NECTIN1: variants seen among roughly 807,000 people sequenced by gnomAD.
NECTIN1 encodes the protein nectin-1.
NECTIN1 carries 23 observed loss-of-function variants against 48.0 expected under a neutral mutation model. That is an observed-to-expected ratio of 0.48 (90% confidence interval 0.34 to 0.68). The LOEUF is 0.68. Among genes scored for constraint, NECTIN1 ranks in the 30% least tolerant of loss-of-function variants. The pLI, the probability that NECTIN1 is intolerant of heterozygous loss-of-function variation, is 0.01. For synonymous variants in NECTIN1, 270 were observed against 288.9 expected, an observed-to-expected ratio of 0.93 and a Z score of 0.66; for missense variants, 591 against 709.9, an observed-to-expected ratio of 0.83 and a Z score of 1.90.
chr11:119,668,744 T>C (rs1334543647), intron 5 of NECTIN1, among the ~76,000 whole-genome samples: 1 of 152,248 alleles, frequency 6.6e-6, no homozygotes, highest in Admixed American at 6.5e-5. Context: ...CATAGCATGG[T>C]AAAGCCTGTA....
At chr11:119,693,396 C>A (rs1351783367) in intron 1 of NECTIN1, among the ~76,000 whole-genome samples, 1 of 152,232 alleles carries the variant, frequency 6.6e-6, no homozygotes, top group African/African-American at 2.4e-5. Context: ...GTGATGTCAT[C>A]CATTTACATG....
intron 1 of NECTIN1, among the ~76,000 whole-genome samples, chr11:119,725,852 G>A (rs1000579417): frequency 5.3e-5 from 8 of 152,078 alleles, no homozygotes; most frequent in Non-Finnish European, 1.0e-4. Context: ...ACAACAGCTC[G>A]ACACACCTGC....
At chr11:119,713,154 T>C (rs1228045790) in intron 1 of NECTIN1, 1 of 152,240 alleles carries the variant, frequency 6.6e-6, no homozygotes, top group Non-Finnish European at 1.5e-5. Flanking sequence ...TGAAAGCAGG[T>C]CACTAATCTC....
At chr11:119,725,167 C>A (rs564099002) in intron 1 of NECTIN1, among the ~76,000 whole-genome samples, 107 of 152,310 alleles carry the variant, frequency 7.0e-4, no homozygotes, top group African/African-American at 2.4e-3. Context: ...CTCTGCCCCC[C>A]AAGCCTGGTC....
rs1864663997 is a variant in NECTIN1, at chr11:119,661,487, G to A, written c.*3260C>T. 1.7e-5 allele frequency: 17 copies of A among 986,030 alleles called. No individual in the cohort carries two copies. Among genetic ancestry groups the A allele is most frequent in the Non-Finnish European group, 1.8e-5 (15 of 830,086 alleles). The allele number at this position is 986,030 out of a possible 1,614,324, so 61.1% of individuals were successfully genotyped here. A position where few individuals can be genotyped will look rare whatever the true frequency, so the allele number is the denominator to read the frequency against. On this transcript the variant is annotated 3_prime_UTR_variant, in exon 6 of 6. Transcript: ENST00000264025. Reference sequence around the variant, plus strand: ...CACTAGGAGAGGGTTTCTGTTGGCAGTCAGGCTTTGGGGGTCTCTGTCTGG... The same window carrying A: ...CACTAGGAGAGGGTTTCTGTTGGCAATCAGGCTTTGGGGGTCTCTGTCTGG...
chr11:119,689,671 C>T, intron 1 of NECTIN1, among the ~76,000 whole-genome samples: 1 of 152,250 alleles, frequency 6.6e-6, no homozygotes, highest in East Asian at 1.9e-4. Context: ...TCCGTGCGCA[C>T]TGCCAGAGCA....
chr11:119,666,973 C>T (rs10790329), intron 5 of NECTIN1, among the ~76,000 whole-genome samples: 97,479 of 151,890 alleles, frequency 0.64, 32,963 homozygotes, highest in Non-Finnish European at 0.73. Context: ...CCCCCAGGGG[C>T]TCCTATACAC....
chr11:119,664,617 T>C lies in NECTIN1; in HGVS notation c.*130A>G. On this transcript the variant is annotated 3_prime_UTR_variant, in exon 6 of 6. Transcript: ENST00000264025. ...CTGGGCTCCCCTGGCCCCCCAGGAGTTCGGGGCTGGCTTTGGGCAGCTGGG... is the reference window on the plus strand; with the variant it reads ...CTGGGCTCCCCTGGCCCCCCAGGAGCTCGGGGCTGGCTTTGGGCAGCTGGG... 7.0e-7 allele frequency: 1 copy of C among 1,432,310 alleles called. No homozygotes were observed. Among genetic ancestry groups the C allele is most frequent in the East Asian group, 2.6e-5 (1 of 39,078 alleles). 88.7% of individuals were successfully genotyped at this position (1,432,310 alleles called of 1,614,324 possible).
intron 5 of NECTIN1, among the ~76,000 whole-genome samples, chr11:119,644,619 A>G (rs1864371129): frequency 6.6e-6 from 1 of 152,188 alleles, no homozygotes; most frequent in South Asian, 2.1e-4. Flanking sequence ...CACGTATGCA[A>G]ATAAGTATGC....
Position 119,662,970 on chromosome 11 carries a change from T to G in NECTIN1, c.*1777A>C, listed in dbSNP as rs1445134367. ...GACGACCCACCTGCTGGGCCCAGGGTTGCCAGGGCAGAAATGGAGCTGGCA... is the reference window on the plus strand; with the variant it reads ...GACGACCCACCTGCTGGGCCCAGGGGTGCCAGGGCAGAAATGGAGCTGGCA... On this transcript the variant is annotated 3_prime_UTR_variant, in exon 6 of 6. Transcript: ENST00000264025. This position sits in a 1 kb window ranked among gnomAD's most constrained non-coding sequence, Gnocchi z 5.3. 2 of 978,508 alleles carry G rather than the reference T, an allele frequency of 2.0e-6. No individual in the cohort carries two copies. Among genetic ancestry groups the G allele is most frequent in the African/African-American group, 3.6e-5 (2 of 54,808 alleles). The allele number at this position is 978,508 out of a possible 1,614,324, so 60.6% of individuals were successfully genotyped here. A position where few individuals can be genotyped will look rare whatever the true frequency, so the allele number is the denominator to read the frequency against.
chr11:119,723,816 G>C (rs147280542), intron 1 of NECTIN1, among the ~76,000 whole-genome samples: 6 of 152,106 alleles, frequency 3.9e-5, no homozygotes, highest in African/African-American at 7.2e-5. Context: ...AAGGTGATCC[G>C]TGCTCAGATC....
intron 5 of NECTIN1, among the ~76,000 whole-genome samples, chr11:119,648,379 GTGGTGGTGGTGGTGATGGTGGTGA>G (rs1864441239): frequency 3.1e-5 from 1 of 32,398 alleles, no homozygotes; most frequent in Non-Finnish European, 6.6e-5. Context: ...GGTGGTGATG[GTGGTGGTGGTGGTGATGGTGGTGA>G]TGGTGATGGT....
chr11:119,715,020 C>T (rs562950115), intron 1 of NECTIN1, among the ~76,000 whole-genome samples: 2 of 151,998 alleles, frequency 1.3e-5, no homozygotes, highest in South Asian at 2.1e-4. Flanking sequence ...CATGCGATTC[C>T]AACACTAATG....
intron 1 of NECTIN1, among the ~76,000 whole-genome samples, chr11:119,688,073 C>G (rs1281055264): frequency 6.6e-6 from 1 of 152,142 alleles, no homozygotes; most frequent in Non-Finnish European, 1.5e-5. Flanking sequence ...ACTTTGAATT[C>G]AGATAGACCT....
chr11:119,693,000 C>T (rs1450110766), intron 1 of NECTIN1, among the ~76,000 whole-genome samples: 1 of 152,182 alleles, frequency 6.6e-6, no homozygotes, highest in Non-Finnish European at 1.5e-5. Flanking sequence ...GCACCATCCT[C>T]CCACCCCTGC....
chr11:119,689,308 C>T (rs1414708151), intron 1 of NECTIN1, among the ~76,000 whole-genome samples: 1 of 152,222 alleles, frequency 6.6e-6, no homozygotes, highest in Non-Finnish European at 1.5e-5. Context: ...GTTCCAGCCT[C>T]GCAGCCTCAG....
At chr11:119,718,306 G>C (rs1057242546) in intron 1 of NECTIN1, among the ~76,000 whole-genome samples, 1 of 152,236 alleles carries the variant, frequency 6.6e-6, no homozygotes, top group African/African-American at 2.4e-5. Flanking sequence ...CGCCTATGAA[G>C]CTGAGGACGC....
intron 5 of NECTIN1, among the ~76,000 whole-genome samples, chr11:119,666,435 T>C (rs540380629): frequency 6.6e-6 from 1 of 152,244 alleles, no homozygotes; most frequent in South Asian, 2.1e-4. Context: ...GCCACAGTAC[T>C]GTTCTTTGGC....
In NECTIN1 at chr11:119,728,711, G is replaced by GGGGGGGGGGGGGGGGGGCC; in HGVS notation, c.-159_-158insGGCCCCCCCCCCCCCCCCC. On this transcript the variant is annotated 5_prime_UTR_variant, in exon 1 of 6. The change creates a new upstream start codon in the 5' untranslated region. Coordinates refer to ENST00000264025, the MANE Select transcript of NECTIN1 (RefSeq NM_002855.5). ...GGCCGGGGCGGGGTGGGCTGGGTGG[G>GGGGGGGGGGGGGGGGGGCC]ATCCGCGCGGCCGCAGTCCGGGCCC... 1 of 197,172 alleles carries GGGGGGGGGGGGGGGGGGCC rather than the reference G, an allele frequency of 5.1e-6. No homozygotes were observed. Among genetic ancestry groups the GGGGGGGGGGGGGGGGGGCC allele is most frequent in the East Asian group, 2.3e-4 (1 of 4,256 alleles). The allele number at this position is 197,172 out of a possible 1,614,324, so 12.2% of individuals were successfully genotyped here.
Sources: gnomAD v4.1 joint callset for allele counts (sites outside exome capture counted in the v4.1 genomes callset) on GRCh38, gnomAD v4.1.1 for gene constraint, Gnocchi (gnomAD v3.1) non-coding constraint, MANE v1.5 for transcripts, NCBI Gene and HGNC (gene_info 2026-07-23, HGNC 2026-07-21) for gene names.